RYR3: variants seen among roughly 807,000 people sequenced by gnomAD.
RYR3 encodes brain ryanodine receptor-calcium release channel.
RYR3 carries 207 observed loss-of-function variants against 584.3 expected under a neutral mutation model. The observed-to-expected ratio is 0.35, with a 90% CI of 0.32 to 0.40. The LOEUF (loss-of-function observed/expected upper bound fraction) is 0.40, where lower values mean the gene tolerates loss of function less well. Among genes scored for constraint, RYR3 ranks in the 10% least tolerant of loss-of-function variants. The pLI is 1.00. For missense variants in RYR3, 5,616 were observed against 6,089.2 expected, an observed-to-expected ratio of 0.92 and a Z score of 2.59; for synonymous variants, 2,416 against 2,248.5, an observed-to-expected ratio of 1.07 and a Z score of -2.11.
chr15:33,770,990 G>A (rs950024521), intron 62 of RYR3, among the ~76,000 whole-genome samples: 4 of 152,164 alleles, frequency 2.6e-5, no homozygotes, highest in African/African-American at 4.8e-5. Context: ...TTGAGGGAAG[G>A]CTTCAAATCT....
intron 42 of RYR3, among the ~76,000 whole-genome samples, chr15:33,704,205 C>T (rs1738411569): frequency 6.7e-6 from 1 of 149,408 alleles, no homozygotes; most frequent in African/African-American, 2.5e-5. Flanking sequence ...TCCCGGGAGG[C>T]AGAGGTTGCA....
At chr15:33,402,147 A>G (rs2042718472) in intron 1 of RYR3, among the ~76,000 whole-genome samples, 1 of 152,232 alleles carries the variant, frequency 6.6e-6, no homozygotes, top group Non-Finnish European at 1.5e-5. Flanking sequence ...GTTGCATTTC[A>G]ACATTTAAAT....
chr15:33,529,771 A>G (rs78116151), intron 3 of RYR3, among the ~76,000 whole-genome samples: 3,879 of 152,258 alleles, frequency 0.025, 62 homozygotes, highest in Non-Finnish European at 0.04. Flanking sequence ...GTAGATTTCC[A>G]TTTTCCATGC....
At position 33,773,347 on chromosome 15, in the gene RYR3, AT is replaced by A. The variant is rs796689335; in HGVS notation, c.9056-177del. 4.1e-3 allele frequency among the ~76,000 whole-genome samples: 612 copies of A among 150,636 alleles called. 5 individuals carry two copies. The highest frequency in any genetic ancestry group is 0.013 in the African/African-American group (518 of 41,114). ...TTGCTCAGTGGAGGATTTTTCCTAT[AT>A]TTTTTTTTTCCTAGTCCAGCAATTA... On this transcript the variant is annotated intron_variant, in intron 63 of 103. Coordinates refer to ENST00000634891, the MANE Select transcript of RYR3 (RefSeq NM_001036.6).
chr15:33,660,521 C>G, intron 34 of RYR3, 98 bp downstream of exon 34: 1 of 751,502 alleles, frequency 1.3e-6, no homozygotes, highest in Non-Finnish European at 2.1e-6. Context: ...TGTGTTGGAT[C>G]CTGCTCAGTC....
At chr15:33,478,243 G>T (rs1261370447) in intron 2 of RYR3, among the ~76,000 whole-genome samples, 1 of 152,006 alleles carries the variant, frequency 6.6e-6, no homozygotes, top group Non-Finnish European at 1.5e-5. Context: ...ACTGCATTTC[G>T]GCAGAAACCC....
At chr15:33,353,026 C>G (rs1486913077) in intron 1 of RYR3, among the ~76,000 whole-genome samples, 1 of 63,356 alleles carries the variant, frequency 1.6e-5, no homozygotes, top group East Asian at 1.9e-3. Flanking sequence ...TCTATGAAAC[C>G]TTCTCTGACA....
In RYR3 at chr15:33,583,143, C is replaced by T. The variant is rs549151550; in HGVS notation, c.1574-1252C>T. Among the ~76,000 whole-genome samples the T allele has an allele frequency of 5.3e-5, 8 of 152,258 alleles. No individual in the cohort carries two copies. The East Asian group carries it at 1.4e-3, about 26-fold the overall frequency. ...ATGCCGAGGCCCACCCCCAGAGTTT[C>T]TAAATCAGTAAAGCTGGATGAGGCC... On this transcript the variant is annotated intron_variant, in intron 14 of 103. Coordinates refer to ENST00000634891, the MANE Select transcript of RYR3 (RefSeq NM_001036.6).
intron 15 of RYR3, among the ~76,000 whole-genome samples, chr15:33,585,588 A>G (rs1454024618): frequency 6.6e-6 from 1 of 152,204 alleles, no homozygotes; most frequent in Non-Finnish European, 1.5e-5. Flanking sequence ...AACTCAGAAT[A>G]TTTTCCAAAT....
intron 94 of RYR3, chr15:33,851,498 T>C (rs1478122673): frequency 6.6e-6 from 1 of 152,222 alleles, no homozygotes; most frequent in African/African-American, 2.4e-5. Context: ...TCTTTATTTA[T>C]GCACTTTCCT....
chr15:33,837,730 T>C lies in RYR3; in HGVS notation c.11750T>C (p.Leu3917Ser). 1.2e-6 allele frequency: 2 copies of C among 1,613,332 alleles called. No individual in the cohort carries two copies. The highest frequency in any genetic ancestry group is 1.7e-6 in the Non-Finnish European group (2 of 1,179,564). ...EMILKFFDMF[L>S]KLKDLTSSDT... ...ATCTTGAAATTCTTTGACATGTTCTTGAAACTTAAAGACTTAACCAGCTCA... is the reference window on the plus strand; with the variant it reads ...ATCTTGAAATTCTTTGACATGTTCTCGAAACTTAAAGACTTAACCAGCTCA... Residue 3917 changes from leucine to serine, a missense_variant, in exon 89 of 104, where the codon TTG (leucine) becomes TCG (serine). Physicochemically the swap from Leu to Ser is moderately radical, Grantham distance 145. Transcript: ENST00000634891.
intron 15 of RYR3, among the ~76,000 whole-genome samples, chr15:33,585,049 C>T (rs984897635): frequency 2.0e-5 from 3 of 152,074 alleles, no homozygotes; most frequent in Admixed American, 2.0e-4. Context: ...GACCATGCTG[C>T]AGGGCTTAGC....
intron 2 of RYR3, among the ~76,000 whole-genome samples, chr15:33,478,549 ACAAG>A (rs2049650470): frequency 6.6e-6 from 1 of 152,188 alleles, no homozygotes; most frequent in Admixed American, 6.5e-5. Context: ...CATTTTCACC[ACAAG>A]CAATGTACCC....
chr15:33,524,876 C>T (rs2054278238), intron 3 of RYR3, among the ~76,000 whole-genome samples: 1 of 152,050 alleles, frequency 6.6e-6, no homozygotes, highest in Admixed American at 6.5e-5. Context: ...AGATAGTAAC[C>T]CTTTTGTCAT....
At chr15:33,461,205 A>G (rs926289766) in intron 1 of RYR3, among the ~76,000 whole-genome samples, 5 of 151,774 alleles carry the variant, frequency 3.3e-5, no homozygotes, top group Non-Finnish European at 5.9e-5. Context: ...CGGCCTCCCA[A>G]AGTGCTGGGA....
At chr15:33,528,581 C>T (rs1202839525) in intron 3 of RYR3, among the ~76,000 whole-genome samples, 1 of 152,184 alleles carries the variant, frequency 6.6e-6, no homozygotes, top group African/African-American at 2.4e-5. Context: ...CATCATCAAA[C>T]TTCAGAAAAG....
rs1192127709 is a variant in RYR3 at position 33,838,295 on chromosome 15, C to T, written c.12315C>T (p.Ser4105=). 3.1e-6 allele frequency: 5 copies of T among 1,613,812 alleles called. No individual in the cohort carries two copies. The highest frequency in any genetic ancestry group is 2.2e-5 in the East Asian group (1 of 44,884). ...EMQLASQISE[S]DSADRPEEEE... is the part of the protein sequence containing the mutation. ...AGTTAGCATCTCAGATCTCTGAATC[C>T]GATTCAGCTGACAGGCCAGAAGAGG... is the stretch of plus-strand genomic sequence containing the variant. The change falls in exon 89 of 104, where the codon TCC becomes TCT. Residue 4105 remains serine (S), a synonymous_variant. Coordinates refer to ENST00000634891, the MANE Select transcript of RYR3 (RefSeq NM_001036.6).
intron 38 of RYR3, among the ~76,000 whole-genome samples, chr15:33,693,596 A>G (rs1157740495): frequency 1.3e-5 from 2 of 152,256 alleles, no homozygotes; most frequent in South Asian, 2.1e-4. Context: ...AAGCTAAATT[A>G]GCGTGGCAAG....
intron 65 of RYR3, among the ~76,000 whole-genome samples, chr15:33,780,779 A>C (rs2074336057): frequency 6.6e-6 from 1 of 152,186 alleles, no homozygotes; most frequent in Admixed American, 6.5e-5. Context: ...TGCTGATGAC[A>C]CATTTTTGTC....
Sources: allele counts gnomAD v4.1 joint callset (sites outside exome capture counted in the v4.1 genomes callset), GRCh38; gene constraint gnomAD v4.1.1; transcripts MANE v1.5; gene names NCBI Gene and HGNC (gene_info 2026-07-23, HGNC 2026-07-21).